TRABD2B: variants seen among roughly 807,000 people sequenced by gnomAD.
TRABD2B encodes the protein TraB domain containing 2B.
TRABD2B carries 14 observed loss-of-function variants against 40.1 expected under a neutral mutation model. The observed-to-expected ratio is 0.35, with a 90% CI of 0.23 to 0.55. TRABD2B has a LOEUF of 0.55. Among genes scored for constraint, TRABD2B ranks in the 20% least tolerant of loss-of-function variants. The pLI, the probability that TRABD2B is intolerant of heterozygous loss-of-function variation, is 0.90. For synonymous variants in TRABD2B, 263 were observed against 277.0 expected, an observed-to-expected ratio of 0.95 and a Z score of 0.50; for missense variants, 541 against 648.6, an observed-to-expected ratio of 0.83 and a Z score of 1.80.
intron 6 of TRABD2B, among the ~76,000 whole-genome samples, chr1:47,767,472 G>A (rs553876205): frequency 1.3e-5 from 2 of 152,346 alleles, no homozygotes; most frequent in East Asian, 3.9e-4. Context: ...ACCAGGCTCT[G>A]TGTGAAGCAC....
intron 2 of TRABD2B, among the ~76,000 whole-genome samples, chr1:47,876,159 G>A (rs751843249): frequency 1.3e-5 from 2 of 152,200 alleles, no homozygotes; most frequent in African/African-American, 2.4e-5. Context: ...AGCCTGACTT[G>A]TCACTGAGCT....
chr1:47,767,101 A>C (rs1255337773), intron 6 of TRABD2B, among the ~76,000 whole-genome samples: 4 of 152,142 alleles, frequency 2.6e-5, no homozygotes, highest in African/African-American at 9.6e-5. Context: ...CTGAGGAGGG[A>C]GTGCACAACT....
At chr1:47,930,311 C>T (rs921805505) in intron 2 of TRABD2B, among the ~76,000 whole-genome samples, 7 of 152,308 alleles carry the variant, frequency 4.6e-5, no homozygotes, top group Admixed American at 2.6e-4. Context: ...TTAAGGCAGG[C>T]GAAAGCAGAG....
intron 2 of TRABD2B, among the ~76,000 whole-genome samples, chr1:47,910,753 A>T (rs1443233346): frequency 1.3e-5 from 2 of 152,164 alleles, no homozygotes; most frequent in Non-Finnish European, 2.9e-5. Flanking sequence ...CTATCCTCAT[A>T]TGGCATAGAT....
At chr1:47,923,125 C>T (rs1473886633) in intron 2 of TRABD2B, among the ~76,000 whole-genome samples, 1 of 152,228 alleles carries the variant, frequency 6.6e-6, no homozygotes, top group African/African-American at 2.4e-5. Context: ...CACCACCTTC[C>T]CCTGCCCAAC....
intron 2 of TRABD2B, among the ~76,000 whole-genome samples, chr1:47,971,095 C>T (rs938047007): frequency 1.2e-4 from 18 of 152,102 alleles, no homozygotes; most frequent in Admixed American, 7.2e-4. Flanking sequence ...TTTGATAGCA[C>T]GGTAAAAGAA....
At chr1:47,963,814 CAGAA>C (rs1406179184) in intron 2 of TRABD2B, among the ~76,000 whole-genome samples, 1 of 152,168 alleles carries the variant, frequency 6.6e-6, no homozygotes, top group African/African-American at 2.4e-5. Flanking sequence ...AACAACAAGA[CAGAA>C]AGGGAACAGA....
chr1:47,965,231 G>GGGGA (rs1645584349), intron 2 of TRABD2B, among the ~76,000 whole-genome samples: 1 of 76,332 alleles, frequency 1.3e-5, no homozygotes, highest in Non-Finnish European at 2.7e-5. Flanking sequence ...GGTGGGGGGG[G>GGGGA]TGGATGGGGA....
chr1:47,766,508 C>T (rs988756860), intron 6 of TRABD2B, among the ~76,000 whole-genome samples: 1 of 152,194 alleles, frequency 6.6e-6, no homozygotes, highest in Non-Finnish European at 1.5e-5. Flanking sequence ...TTGCAGACCG[C>T]CAAAACACGC....
chr1:47,796,868 C>T (rs530729900), intron 3 of TRABD2B, among the ~76,000 whole-genome samples: 11 of 152,292 alleles, frequency 7.2e-5, no homozygotes, highest in South Asian at 4.1e-4. Flanking sequence ...GGAACACTGA[C>T]GGCTTCTGAA....
At position 47,827,493 on chromosome 1, in the gene TRABD2B, A is replaced by G. The variant is rs567376124; in HGVS notation, c.667-25874T>C. ...GGTGGAGCTGGCCAAGGGAGCTCCT[A>G]AAAGATCCAGAGCCTGAAAGAAGCA... On this transcript the variant is annotated intron_variant, in intron 2 of 6. Coordinates refer to ENST00000606738, the MANE Select transcript of TRABD2B (RefSeq NM_001194986.2). Among the ~76,000 whole-genome samples the G allele has an allele frequency of 2.0e-5, 3 of 152,330 alleles. No homozygotes were observed. The South Asian group carries it at 6.2e-4, about 32-fold the overall frequency.
chr1:47,835,541 T>G (rs2124466053), intron 2 of TRABD2B, among the ~76,000 whole-genome samples: 1 of 152,286 alleles, frequency 6.6e-6, no homozygotes, highest in South Asian at 2.1e-4. Context: ...AAGAGACAAC[T>G]GAACCATCAT....
At chr1:47,993,718 T>A (rs1292941607) in intron 2 of TRABD2B, among the ~76,000 whole-genome samples, 1 of 152,162 alleles carries the variant, frequency 6.6e-6, no homozygotes, top group African/African-American at 2.4e-5. Context: ...TTGTTTTTGA[T>A]CACTCTGATG....
chr1:47,912,643 GATATTTACC>G (rs1644778549), intron 2 of TRABD2B, among the ~76,000 whole-genome samples: 1 of 152,160 alleles, frequency 6.6e-6, no homozygotes, highest in African/African-American at 2.4e-5. Context: ...TCATTGAGAG[GATATTTACC>G]ATATGCTGGG....
intron 6 of TRABD2B, among the ~76,000 whole-genome samples, chr1:47,773,405 A>G (rs1182943691): frequency 6.6e-6 from 1 of 152,252 alleles, no homozygotes; most frequent in African/African-American, 2.4e-5. Context: ...AGGCAGGGTG[A>G]TATGGTTAGG....
intron 2 of TRABD2B, among the ~76,000 whole-genome samples, chr1:47,900,096 T>C (rs1481513230): frequency 6.6e-6 from 1 of 152,120 alleles, no homozygotes; most frequent in Non-Finnish European, 1.5e-5. Flanking sequence ...ACCTCCCTAA[T>C]AAATATACAT....
chr1:47,771,117 C>A (rs1303524730), intron 6 of TRABD2B, among the ~76,000 whole-genome samples: 3 of 152,190 alleles, frequency 2.0e-5, no homozygotes, highest in Admixed American at 2.0e-4. Context: ...TGATGGGGTC[C>A]TGTCCTCACC....
intron 2 of TRABD2B, among the ~76,000 whole-genome samples, chr1:47,820,605 C>A (rs977865559): frequency 6.6e-6 from 1 of 152,302 alleles, no homozygotes; most frequent in African/African-American, 2.4e-5. Flanking sequence ...CATCCTTTCC[C>A]ACCCTGCTTT....
chr1:47,766,528 G>A (rs1644305545), intron 6 of TRABD2B, among the ~76,000 whole-genome samples: 1 of 152,166 alleles, frequency 6.6e-6, no homozygotes, highest in Non-Finnish European at 1.5e-5. Context: ...CAGAAAACAA[G>A]ACAAGCAACC....
Sources: allele counts gnomAD v4.1 joint callset (sites outside exome capture counted in the v4.1 genomes callset), GRCh38; gene constraint gnomAD v4.1.1; transcripts MANE v1.5; gene names NCBI Gene and HGNC (gene_info 2026-07-23, HGNC 2026-07-21).